PAX5: variants seen among roughly 807,000 people sequenced by gnomAD.
PAX5 encodes paired box 5.
PAX5 carries 9 observed loss-of-function variants against 43.7 expected under a neutral mutation model. The observed-to-expected ratio is 0.21, with a 90% confidence interval of 0.12 to 0.36. PAX5 has a LOEUF of 0.36. Among genes scored for constraint, PAX5 ranks in the 10% least tolerant of loss-of-function variants. The pLI, the probability that PAX5 is intolerant of heterozygous loss-of-function variation, is 1.00. For synonymous variants in PAX5, 228 were observed against 214.3 expected, an observed-to-expected ratio of 1.06 and a Z score of -0.56; for missense variants, 383 against 532.7, an observed-to-expected ratio of 0.72 and a Z score of 2.77.
chr9:36,864,006 G>A (rs1021475350), intron 8 of PAX5, among the ~76,000 whole-genome samples: 5 of 152,194 alleles, frequency 3.3e-5, no homozygotes, highest in African/African-American at 1.2e-4. Context: ...CTACTCGGGA[G>A]GCTGAGGTAG....
At chr9:36,996,213 T>C (rs1837384556) in intron 5 of PAX5, among the ~76,000 whole-genome samples, 2 of 152,232 alleles carry the variant, frequency 1.3e-5, no homozygotes, top group Admixed American at 6.5e-5. Context: ...TCCTCAAACA[T>C]AGGCCTCTCC....
intron 6 of PAX5, among the ~76,000 whole-genome samples, chr9:36,956,768 T>C (rs144290195): frequency 3.3e-5 from 5 of 152,296 alleles, no homozygotes; most frequent in African/African-American, 1.2e-4. Context: ...ATAGAGTCCA[T>C]GTAATTTTCA....
Position 36,882,051 on chromosome 9 carries a change from G to A in PAX5, c.965C>T (p.Ala322Val), listed in dbSNP as rs2131763160. The A allele has an allele frequency of 6.2e-7, 1 of 1,612,464 alleles. No individual in the cohort carries two copies. Among genetic ancestry groups the A allele is most frequent in the Non-Finnish European group, 8.5e-7 (1 of 1,178,928 alleles). The change falls in exon 8 of 10, where the codon GCT (alanine) becomes GTT (valine). Residue 322 changes from alanine (A) to valine (V), a missense_variant. By Grantham distance (64) the Ala-to-Val change is moderately conservative. This residue lies in a region of PAX5 where 291 missense variants were observed against 342.5 expected (regional missense o/e 0.85). Coordinates refer to ENST00000358127, the MANE Select transcript of PAX5 (RefSeq NM_016734.3). The surrounding 1 kb of genome is among the most constrained non-coding windows in gnomAD (Gnocchi z 4.4). ...LPGYPPHVPP[A>V]GQGSYSAPTL... ...CGGTGCTGAGTAGCTGCCCTGTCCA[G>A]CGGGGGGGACGTGTGGAGGGTACCC... is the stretch of plus-strand genomic sequence containing the variant.
At chr9:37,031,329 C>G (rs975238373) in intron 1 of PAX5, among the ~76,000 whole-genome samples, 3 of 152,170 alleles carry the variant, frequency 2.0e-5, no homozygotes, top group Non-Finnish European at 2.9e-5. Context: ...GAGAACAAAT[C>G]CTGAGATGTG....
chr9:36,991,742 C>T (rs1387527774), intron 5 of PAX5, among the ~76,000 whole-genome samples: 9 of 152,152 alleles, frequency 5.9e-5, no homozygotes, highest in Non-Finnish European at 1.2e-4. Flanking sequence ...CTAAGCTGTC[C>T]TGGGTCGATG....
chr9:36,889,619 C>T (rs947204682), intron 7 of PAX5, among the ~76,000 whole-genome samples: 1 of 152,232 alleles, frequency 6.6e-6, no homozygotes, highest in African/African-American at 2.4e-5. Context: ...AATCCCCCAG[C>T]ATTGGGCACC....
chr9:36,864,830 G>GCGC (rs1824692337), intron 8 of PAX5, among the ~76,000 whole-genome samples: 1 of 152,196 alleles, frequency 6.6e-6, no homozygotes, highest in African/African-American at 2.4e-5. Context: ...GGGTGGGCCG[G>GCGC]CGCCGGAGCC....
At position 36,997,718 on chromosome 9, in the gene PAX5, G is replaced by T. The variant is rs1837505895; in HGVS notation, c.604+4930C>A. Among the ~76,000 whole-genome samples, 3 of 152,220 alleles carry T rather than the reference G, an allele frequency of 2.0e-5. 1 individual carries two copies. In the South Asian group the frequency reaches 6.2e-4, roughly 32 times the overall value. On this transcript the variant is annotated intron_variant, in intron 5 of 9. Transcript: ENST00000358127. ...AGACAAAGCGACATCTCATAACTGG[G>T]TGGCACCCCAGCCTGACCCTCAGAG... is the stretch of plus-strand genomic sequence containing the variant.
At chr9:36,978,658 A>G (rs1299687704) in intron 5 of PAX5, among the ~76,000 whole-genome samples, 3 of 152,204 alleles carry the variant, frequency 2.0e-5, no homozygotes, top group Non-Finnish European at 2.9e-5. Context: ...TATCTATCTG[A>G]TCATTGCACA....
At chr9:37,030,535 C>G (rs1361363629) in intron 1 of PAX5, among the ~76,000 whole-genome samples, 1 of 152,234 alleles carries the variant, frequency 6.6e-6, no homozygotes, top group Non-Finnish European at 1.5e-5. Flanking sequence ...TACAGTGATG[C>G]GCTTTCTTTC....
At chr9:36,988,038 G>A (rs1836592760) in intron 5 of PAX5, among the ~76,000 whole-genome samples, 2 of 152,202 alleles carry the variant, frequency 1.3e-5, no homozygotes, top group African/African-American at 4.8e-5. Flanking sequence ...AAGAAGGAGG[G>A]AGGGGGAGCG....
chr9:37,026,455 A>T, intron 1 of PAX5: 1 of 1,185,080 alleles, frequency 8.4e-7, no homozygotes, highest in Non-Finnish European at 1.1e-6. Context: ...TTCCGGCCTT[A>T]GTACCTGACC....
chr9:36,878,377 C>A (rs1826110515), intron 8 of PAX5, among the ~76,000 whole-genome samples: 1 of 152,194 alleles, frequency 6.6e-6, no homozygotes, highest in South Asian at 2.1e-4. Context: ...GGGGGCTGTG[C>A]CTTGAACACG....
Position 36,961,053 on chromosome 9 carries a change from T to A in PAX5, c.780+5496A>T, listed in dbSNP as rs539400105. On this transcript the variant is annotated intron_variant, in intron 6 of 9. Coordinates refer to ENST00000358127, the MANE Select transcript of PAX5 (RefSeq NM_016734.3). ...AGATCCATAATGAAGGAAAATGAGC[T>A]CTCTGAAGAAAAAAACCACATCCTC... is the stretch of plus-strand genomic sequence containing the variant. Among the ~76,000 whole-genome samples, 6 of 152,234 alleles carry A rather than the reference T, an allele frequency of 3.9e-5. No individual in the cohort carries two copies. The East Asian group carries it at 1.2e-3, about 29-fold the overall frequency.
At chr9:36,949,473 G>A (rs17483803) in intron 6 of PAX5, among the ~76,000 whole-genome samples, 41,815 of 152,078 alleles carry the variant, frequency 0.27, 6,338 homozygotes, top group Non-Finnish European at 0.34. Context: ...AGAAAAGTTC[G>A]TATTTGTTTG....
At chr9:36,991,758 A>C (rs1445752998) in intron 5 of PAX5, among the ~76,000 whole-genome samples, 1 of 150,832 alleles carries the variant, frequency 6.6e-6, no homozygotes, top group African/African-American at 2.4e-5. Context: ...CGATGGTGCC[A>C]CCTGGTGGCT....
At chr9:36,912,738 G>C (rs1231182992) in intron 7 of PAX5, among the ~76,000 whole-genome samples, 1 of 152,074 alleles carries the variant, frequency 6.6e-6, no homozygotes. Flanking sequence ...AGGAAGGCTG[G>C]GACTCGCCAA....
chr9:36,869,602 T>A (rs760857662), intron 8 of PAX5, among the ~76,000 whole-genome samples: 3 of 152,204 alleles, frequency 2.0e-5, no homozygotes, highest in Admixed American at 6.5e-5. Flanking sequence ...CAGTCTAGGC[T>A]CCATCCCCCT....
intron 8 of PAX5, among the ~76,000 whole-genome samples, chr9:36,872,414 G>T (rs1215506831): frequency 3.3e-5 from 5 of 152,270 alleles, no homozygotes; most frequent in East Asian, 3.9e-4. Flanking sequence ...ACCTTGAATG[G>T]CAGGAGCAGA....
Sources: allele counts gnomAD v4.1 joint callset (sites outside exome capture counted in the v4.1 genomes callset), GRCh38; gene constraint gnomAD v4.1.1; regional missense constraint gnomAD v4.1.1; non-coding constraint Gnocchi (gnomAD v3.1); transcripts MANE v1.5; gene names NCBI Gene and HGNC (gene_info 2026-07-23, HGNC 2026-07-21).